CABIN1: variants seen among roughly 807,000 people sequenced by gnomAD.
CABIN1 encodes the protein calcineurin binding protein 1.
In CABIN1, 133 loss-of-function variants were observed where a neutral mutation model predicts 227.7. That is an observed-to-expected ratio of 0.58 (90% CI 0.51 to 0.67). The LOEUF (loss-of-function observed/expected upper bound fraction) is 0.67, where lower values mean the gene tolerates loss of function less well. Ranked by LOEUF, CABIN1 falls within the 30% of genes least tolerant of loss-of-function variation. The pLI, the probability that CABIN1 is intolerant of heterozygous loss-of-function variation, is 0.00. For synonymous variants in CABIN1, 1,086 were observed against 1,155.1 expected, an observed-to-expected ratio of 0.94 and a Z score of 1.21; for missense variants, 2,408 against 2,852.5, an observed-to-expected ratio of 0.84 and a Z score of 3.55.
chr22:24,061,961 G>A lies in CABIN1; in HGVS notation c.1632G>A (p.Met544Ile), dbSNP rs1001487218. Residue 544 changes from methionine (M) to isoleucine (I), a missense_variant, in exon 13 of 37, where the codon ATG (methionine) becomes ATA (isoleucine). Transcript: ENST00000263119. ...CTGTCCTGCAGGACATGATGCTGAT[G>A]TCTCTCTCCTGCATGGAACTCCAGC... The part of the protein sequence containing the change: ...SNKHIKDMML[M>I]SLSCMELQLD... The A allele has an allele frequency of 1.1e-5, 17 of 1,613,700 alleles. No individual in the cohort carries two copies. Among genetic ancestry groups the A allele is most frequent in the Non-Finnish European group, 1.2e-5 (14 of 1,179,806 alleles).
chr22:24,069,402 C>T (rs2039926765), intron 16 of CABIN1, among the ~76,000 whole-genome samples: 1 of 152,074 alleles, frequency 6.6e-6, no homozygotes, highest in African/African-American at 2.4e-5. Context: ...GTGTTGCCCC[C>T]AGTCGATGGT....
At position 24,043,050 on chromosome 22, in the gene CABIN1, A is replaced by T. The variant is rs544721640; in HGVS notation, c.492A>T (p.Leu164=). Residue 164 remains leucine (L), a synonymous_variant, in exon 6 of 37, where the codon CTA becomes CTT. Transcript: ENST00000263119. ...ACCACTGGCCCTGTTTGGATAACCT[A>T]ATCACTGTCCTGTACACCCTCAGTG... ...NPDHWPCLDN[L]ITVLYTLSDY... is the part of the protein sequence containing the mutation. The T allele has an allele frequency of 8.7e-6, 14 of 1,613,882 alleles. No individual in the cohort carries two copies. The South Asian group carries it at 1.3e-4, about 15-fold the overall frequency.
intron 24 of CABIN1, among the ~76,000 whole-genome samples, chr22:24,093,597 G>A (rs2041692497): frequency 6.6e-6 from 1 of 152,062 alleles, no homozygotes; most frequent in African/African-American, 2.4e-5. Context: ...GGCCAGGCAT[G>A]GTGGCTCACA....
intron 19 of CABIN1, among the ~76,000 whole-genome samples, chr22:24,081,452 T>TGGTA (rs2040801565): frequency 6.6e-6 from 1 of 152,240 alleles, no homozygotes; most frequent in Non-Finnish European, 1.5e-5. Context: ...AAAAGTTCTG[T>TGGTA]GGTACCTCGA....
chr22:24,128,544 C>T (rs2043875576), intron 28 of CABIN1, among the ~76,000 whole-genome samples: 1 of 152,164 alleles, frequency 6.6e-6, no homozygotes, highest in African/African-American at 2.4e-5. Flanking sequence ...GGTAGCCACA[C>T]ACTCCTCTTC....
In CABIN1 at chr22:24,098,090, T is replaced by G; in HGVS notation, c.4015T>G (p.Ser1339Ala). 1 of 1,613,848 alleles carries G rather than the reference T, an allele frequency of 6.2e-7. No individual in the cohort carries two copies. Among genetic ancestry groups the G allele is most frequent in the Non-Finnish European group, 8.5e-7 (1 of 1,179,938 alleles). Residue 1339 changes from serine (S) to alanine (A), a missense_variant, in exon 26 of 37, where the codon TCC becomes GCC. Physicochemically the swap from Ser to Ala is moderately conservative, Grantham distance 99. Coordinates refer to ENST00000263119, the MANE Select transcript of CABIN1 (RefSeq NM_012295.4). ...TLPGPGASLP[S>A]SSGPGLTSPP... ...GCCGGGCCCCGGAGCCTCCCTCCCC[T>G]CCTCCTCTGGCCCAGGTCTGACATC...
At chr22:24,095,823 C>T (rs1401066851) in intron 24 of CABIN1, 108 bp from the exon 25 acceptor site, 2 of 1,168,682 alleles carry the variant, frequency 1.7e-6, no homozygotes, top group East Asian at 4.7e-5. Context: ...CAGTGTGTGG[C>T]AGCCTGTTGC....
chr22:24,095,701 T>A (rs1338484672), intron 24 of CABIN1, among the ~76,000 whole-genome samples: 1 of 152,236 alleles, frequency 6.6e-6, no homozygotes, highest in Non-Finnish European at 1.5e-5. Context: ...ACCATGTGCC[T>A]GAGTTACTGC....
chr22:24,126,956 G>T (rs1223133721), intron 28 of CABIN1, among the ~76,000 whole-genome samples: 2 of 149,318 alleles, frequency 1.3e-5, no homozygotes, highest in East Asian at 3.9e-4. Context: ...CCAAGGTCGT[G>T]CCACTGCCCT....
At chr22:24,056,497 CTG>C (rs2038809085) in intron 10 of CABIN1, 137 bp downstream of exon 10, 2 of 860,788 alleles carry the variant, frequency 2.3e-6, no homozygotes, top group Non-Finnish European at 3.7e-6. Flanking sequence ...GTGCAGATGT[CTG>C]AAGCACAAAT....
intron 27 of CABIN1, among the ~76,000 whole-genome samples, chr22:24,118,104 G>A (rs1178833744): frequency 1.3e-5 from 2 of 152,172 alleles, no homozygotes; most frequent in Non-Finnish European, 2.9e-5. Context: ...CTGGGCCTGG[G>A]GGAGGGGAGA....
At chr22:24,149,859 G>A (rs1016063664) in intron 29 of CABIN1, among the ~76,000 whole-genome samples, 5 of 152,256 alleles carry the variant, frequency 3.3e-5, no homozygotes, top group African/African-American at 1.2e-4. Flanking sequence ...TTTCCAGGGA[G>A]GAGCCTACCT....
At chr22:24,066,853 A>T in intron 15 of CABIN1, 134 bp from the exon 16 acceptor site, 1 of 812,340 alleles carries the variant, frequency 1.2e-6, no homozygotes, top group Non-Finnish European at 2.1e-6. Flanking sequence ...GAGGAATCTA[A>T]TTTTTTTTGG....
chr22:24,051,127 G>A (rs1453801803), intron 8 of CABIN1, among the ~76,000 whole-genome samples, 153 bp downstream of exon 8: 3 of 152,182 alleles, frequency 2.0e-5, no homozygotes, highest in African/African-American at 7.2e-5. Flanking sequence ...GGTTGGAGGT[G>A]CATGCTTACT....
At chr22:24,140,869 C>T (rs1037214392) in intron 29 of CABIN1, among the ~76,000 whole-genome samples, 2 of 152,180 alleles carry the variant, frequency 1.3e-5, no homozygotes, top group African/African-American at 4.8e-5. Context: ...TAAAGCTGCT[C>T]CTGCCGCTGC....
intron 17 of CABIN1, among the ~76,000 whole-genome samples, chr22:24,072,068 T>C (rs148433130): frequency 6.6e-5 from 10 of 152,338 alleles, no homozygotes; most frequent in Admixed American, 6.5e-4. Flanking sequence ...CTCTGGGCTC[T>C]CAGCTCCCCC....
At chr22:24,029,538 CAG>C (rs2036341348) in intron 1 of CABIN1, among the ~76,000 whole-genome samples, 1 of 151,152 alleles carries the variant, frequency 6.6e-6, no homozygotes, top group African/African-American at 2.4e-5. Flanking sequence ...GCCTGGGCAA[CAG>C]AGTGAGACCC....
intron 19 of CABIN1, among the ~76,000 whole-genome samples, chr22:24,082,152 C>T (rs569618311): frequency 1.1e-4 from 16 of 141,412 alleles, no homozygotes; most frequent in African/African-American, 2.9e-4. Context: ...TGCAGTGGTA[C>T]GATCACAGCT....
At chr22:24,149,432 G>C (rs2045353012) in intron 29 of CABIN1, among the ~76,000 whole-genome samples, 1 of 152,206 alleles carries the variant, frequency 6.6e-6, no homozygotes, top group African/African-American at 2.4e-5. Context: ...ATTGTGTCCA[G>C]GGGACTTGTG....
Sources: allele counts gnomAD v4.1 joint callset (sites outside exome capture counted in the v4.1 genomes callset), GRCh38; gene constraint gnomAD v4.1.1; transcripts MANE v1.5; gene names NCBI Gene and HGNC (gene_info 2026-07-23, HGNC 2026-07-21).